The following MBNL1 variants were observed in gnomAD, a reference collection of about 807,000 sequenced individuals.
MBNL1 encodes muscleblind-like protein 1.
In MBNL1, 8 loss-of-function variants were observed where a neutral mutation model predicts 42.2. That is an observed-to-expected ratio of 0.19 (90% CI 0.11 to 0.34). The LOEUF (loss-of-function observed/expected upper bound fraction) is 0.34. Ranked by LOEUF, MBNL1 falls within the 10% of genes least tolerant of loss-of-function variation. The probability of loss-of-function intolerance (pLI) is 1.00; values close to 1 mark genes in which losing one functional copy is unlikely to be tolerated. For missense variants in MBNL1, 309 were observed against 495.3 expected (o/e 0.62, Z 3.57); for synonymous variants, 169 against 173.9 (o/e 0.97, Z 0.22).
chr3:152,245,820 G>C (rs1159085982), intron 2 of MBNL1, among the ~76,000 whole-genome samples: 1 of 152,106 alleles, frequency 6.6e-6, no homozygotes, highest in African/African-American at 2.4e-5. Context: ...GTGAATTGTT[G>C]AATCAAATTT....
Position 152,445,401 on chromosome 3 carries a change from T to C in MBNL1, c.669T>C (p.Asp223=). The C allele has an allele frequency of 1.9e-6, 3 of 1,614,080 alleles. No homozygotes were observed. In the African/African-American group the frequency reaches 4.0e-5, roughly 22 times the overall value. ...TNDNTVTVCM[D]YIKGRCSREK... is the part of the protein sequence containing the mutation. ...ACAACACAGTCACTGTGTGTATGGATTACATCAAAGGGAGATGCTCTCGGG... is the reference window on the plus strand; with the variant it reads ...ACAACACAGTCACTGTGTGTATGGACTACATCAAAGGGAGATGCTCTCGGG... The change falls in exon 5 of 10, where the codon GAT becomes GAC. Residue 223 remains aspartate (D), a synonymous_variant. Transcript: ENST00000324210.
intron 2 of MBNL1, among the ~76,000 whole-genome samples, chr3:152,409,332 C>A (rs2098512238): frequency 6.6e-6 from 1 of 151,800 alleles, no homozygotes; most frequent in African/African-American, 2.4e-5. Flanking sequence ...TTCACCCAGG[C>A]ATTAGAATTG....
rs1447009184 is a variant in MBNL1, at chr3:152,372,483, G to A, written c.175-42458G>A. 4.6e-5 allele frequency among the ~76,000 whole-genome samples: 7 copies of A among 152,152 alleles called. No homozygotes were observed. In the East Asian group the frequency reaches 1.2e-3, roughly 25 times the overall value. ...GGTGACCTTTGGATGGGGTTTTTGT[G>A]TGGACATCGTTTTTGTTGATGTTGA... is the stretch of plus-strand genomic sequence containing the variant. On this transcript the variant is annotated intron_variant, in intron 2 of 9. Coordinates refer to ENST00000324210, the MANE Select transcript of MBNL1 (RefSeq NM_021038.5).
intron 2 of MBNL1, among the ~76,000 whole-genome samples, chr3:152,335,834 T>G (rs1355575572): frequency 6.6e-6 from 1 of 152,210 alleles, no homozygotes; most frequent in African/African-American, 2.4e-5. Context: ...GTAAGAGCTA[T>G]GTTTGGGAAC....
chr3:152,277,169 T>A (rs541355902), intron 1 of MBNL1, among the ~76,000 whole-genome samples: 1 of 152,330 alleles, frequency 6.6e-6, no homozygotes, highest in Non-Finnish European at 1.5e-5. Flanking sequence ...TGTTAATTTC[T>A]TAAAACATTT....
chr3:152,336,572 T>C (rs1048852111), intron 2 of MBNL1, among the ~76,000 whole-genome samples: 3 of 152,244 alleles, frequency 2.0e-5, no homozygotes, highest in Non-Finnish European at 2.9e-5. Context: ...TTCCTCATTC[T>C]CTTATAAAAT....
intron 2 of MBNL1, among the ~76,000 whole-genome samples, chr3:152,358,212 A>G (rs1258333665): frequency 6.6e-6 from 1 of 152,230 alleles, no homozygotes; most frequent in African/African-American, 2.4e-5. Flanking sequence ...AAGACAAATT[A>G]TGATTTCTGA....
intron 1 of MBNL1, among the ~76,000 whole-genome samples, chr3:152,291,209 A>G (rs1215437485): frequency 1.3e-5 from 2 of 152,216 alleles, no homozygotes; most frequent in Non-Finnish European, 2.9e-5. Flanking sequence ...ATGTTAAAAT[A>G]CTTCCTCTTT....
rs575034974 is a variant in MBNL1 at position 152,464,641 on chromosome 3, G to A, written c.*2275G>A. ...TATTTTTGAAATCCCTGAGTATCAG[G>A]CCTTGTTATAAATAAGCTGCATAAT... On this transcript the variant is annotated 3_prime_UTR_variant, in exon 10 of 10. Coordinates refer to ENST00000324210, the MANE Select transcript of MBNL1 (RefSeq NM_021038.5). 6.6e-6 allele frequency: 1 copy of A among 152,420 alleles called. No individual in the cohort carries two copies. Among genetic ancestry groups the A allele is most frequent in the Non-Finnish European group, 1.5e-5 (1 of 67,976 alleles). 9.4% of individuals were successfully genotyped at this position (152,420 alleles called of 1,614,324 possible).
At chr3:152,428,240 G>A (rs2098961371) in intron 3 of MBNL1, among the ~76,000 whole-genome samples, 3 of 152,164 alleles carry the variant, frequency 2.0e-5, no homozygotes, top group African/African-American at 7.2e-5. Flanking sequence ...TAGTATATAT[G>A]TTAAGTAAAT....
chr3:152,403,910 C>T (rs1377888104), intron 2 of MBNL1, among the ~76,000 whole-genome samples: 1 of 152,060 alleles, frequency 6.6e-6, no homozygotes, highest in Non-Finnish European at 1.5e-5. Context: ...AGTGTTTTCT[C>T]CATGGGGACA....
chr3:152,412,932 C>A (rs930814629), intron 2 of MBNL1, among the ~76,000 whole-genome samples: 1 of 152,166 alleles, frequency 6.6e-6, no homozygotes, highest in African/African-American at 2.4e-5. Context: ...TTAGTAAGAA[C>A]TATGATGCGG....
intron 3 of MBNL1, among the ~76,000 whole-genome samples, chr3:152,430,688 G>A (rs1321817335): frequency 6.6e-6 from 1 of 152,194 alleles, no homozygotes; most frequent in Non-Finnish European, 1.5e-5. Context: ...TGGGCAGAGA[G>A]TGGACAGTGG....
At chr3:152,417,521 G>T (rs921432416) in intron 3 of MBNL1, among the ~76,000 whole-genome samples, 26 of 152,132 alleles carry the variant, frequency 1.7e-4, no homozygotes, top group Admixed American at 7.2e-4. Context: ...AGTCAAGTAG[G>T]TGACAGCATC....
intron 2 of MBNL1, among the ~76,000 whole-genome samples, chr3:152,356,856 AGTGTGT>A (rs59868027): frequency 2.0e-5 from 3 of 149,382 alleles, no homozygotes; most frequent in African/African-American, 7.4e-5. Flanking sequence ...ATATGTGTGT[AGTGTGT>A]GTGTGTGTGT....
intron 2 of MBNL1, among the ~76,000 whole-genome samples, chr3:152,317,683 A>G: frequency 6.6e-6 from 1 of 152,150 alleles, no homozygotes; most frequent in East Asian, 1.9e-4. Context: ...TAAGTCTAAT[A>G]TCTTCTCTTT....
chr3:152,448,235 C>T (rs1315983510), intron 6 of MBNL1, among the ~76,000 whole-genome samples: 1 of 152,084 alleles, frequency 6.6e-6, no homozygotes, highest in Non-Finnish European at 1.5e-5. Flanking sequence ...CGTTCTAGAG[C>T]TCTTAAAAAG....
At chr3:152,461,927 C>A (rs1371610234) in intron 9 of MBNL1, among the ~76,000 whole-genome samples, 1 of 151,748 alleles carries the variant, frequency 6.6e-6, no homozygotes, top group Non-Finnish European at 1.5e-5. Context: ...TTTTTTCAAA[C>A]ATGCATTATG....
chr3:152,298,918 A>G (rs972943797), intron 1 of MBNL1: 12 of 152,210 alleles, frequency 7.9e-5, no homozygotes, highest in African/African-American at 2.2e-4. Context: ...TTCCCTGGTA[A>G]TGATCTTCAA....
Sources: allele counts gnomAD v4.1 joint callset (sites outside exome capture counted in the v4.1 genomes callset), GRCh38; gene constraint gnomAD v4.1.1; transcripts MANE v1.5; gene names NCBI Gene and HGNC (gene_info 2026-07-23, HGNC 2026-07-21).